LRTM2: variants seen among roughly 807,000 people sequenced by gnomAD.
The protein encoded by LRTM2 is leucine rich repeat transmembrane protein 2.
In LRTM2, 18 loss-of-function variants were observed where a neutral mutation model predicts 28.1. The observed-to-expected ratio is 0.64, with a 90% confidence interval of 0.44 to 0.95. The LOEUF is 0.95. Ranked by LOEUF, LRTM2 falls within the 40% of genes least tolerant of loss-of-function variation. The pLI is 0.00. For missense variants in LRTM2, 436 were observed against 497.2 expected, an observed-to-expected ratio of 0.88 and a Z score of 1.17; for synonymous variants, 250 against 218.7, an observed-to-expected ratio of 1.14 and a Z score of -1.26.
In LRTM2 at chr12:1,834,530, A is replaced by G; in HGVS notation, c.922A>G (p.Met308Val). The G allele has an allele frequency of 6.2e-7, 1 of 1,605,268 alleles. No individual in the cohort carries two copies. Among genetic ancestry groups the G allele is most frequent in the South Asian group, 1.1e-5 (1 of 91,078 alleles). The change falls in exon 5 of 5, where the codon ATG becomes GTG. Residue 308 changes from methionine (M) to valine (V), a missense_variant. Physicochemically the swap from Met to Val is conservative, Grantham distance 21. Transcript: ENST00000299194. This position sits in a 1 kb window ranked among gnomAD's most constrained non-coding sequence, Gnocchi z 7.6. ...CCGGCCGGCGAGCGTGAGGCGAGCC[A>G]TGGGCACGGTGATCATTGCAGGGGT... is the stretch of plus-strand genomic sequence containing the variant. ...RHRPASVRRA[M>V]GTVIIAGVVC...
At chr12:1,826,304 C>A (rs545787233) in intron 1 of LRTM2, among the ~76,000 whole-genome samples, 1 of 151,854 alleles carries the variant, frequency 6.6e-6, no homozygotes, top group Non-Finnish European at 1.5e-5. Flanking sequence ...CTCCACCAAG[C>A]AGGTATTGCG....
chr12:1,835,148 G>A lies in LRTM2; in HGVS notation c.*427G>A, dbSNP rs944222696. The A allele has an allele frequency of 2.3e-5, 4 of 170,558 alleles. No homozygotes were observed. The highest frequency in any genetic ancestry group is 3.8e-5 in the Non-Finnish European group (3 of 79,818). The allele number at this position is 170,558 out of a possible 1,614,324, so 10.6% of individuals were successfully genotyped here. A position where few individuals can be genotyped will look rare whatever the true frequency, so the allele number is the denominator to read the frequency against. ...GGAGGGAGGGATCTGAGGGATGAAG[G>A]TAGATTTCTGAGACTCTCTCCTAAG... On this transcript the variant is annotated 3_prime_UTR_variant, in exon 5 of 5. Coordinates refer to ENST00000299194, the MANE Select transcript of LRTM2 (RefSeq NM_001039029.3).
Position 1,836,658 on chromosome 12 carries a change from G to A in LRTM2, c.*1937G>A, listed in dbSNP as rs547297208. 1.9e-3 allele frequency: 287 copies of A among 152,666 alleles called. 1 individual carries two copies. Among genetic ancestry groups the A allele is most frequent in the Non-Finnish European group, 3.2e-3 (219 of 68,016 alleles). The allele number at this position is 152,666 out of a possible 1,614,324, so 9.5% of individuals were successfully genotyped here. A position where few individuals can be genotyped will look rare whatever the true frequency, so the allele number is the denominator to read the frequency against. ...GGGAGGGGAGGGCATTGTCAATGGT[G>A]GTATCTTTAGCCTGAGACAGAAGAT... On this transcript the variant is annotated 3_prime_UTR_variant, in exon 5 of 5. Coordinates refer to ENST00000299194, the MANE Select transcript of LRTM2 (RefSeq NM_001039029.3).
rs972507289 is a variant in LRTM2, at chr12:1,834,822, G to A, written c.*101G>A. 4.6e-5 allele frequency: 67 copies of A among 1,444,516 alleles called. No individual in the cohort carries two copies. In the African/African-American group the frequency reaches 5.1e-4, roughly 11 times the overall value. 89.5% of individuals were successfully genotyped at this position (1,444,516 alleles called of 1,614,324 possible). On this transcript the variant is annotated 3_prime_UTR_variant, in exon 5 of 5. Coordinates refer to ENST00000299194, the MANE Select transcript of LRTM2 (RefSeq NM_001039029.3). This position sits in a 1 kb window ranked among gnomAD's most constrained non-coding sequence, Gnocchi z 7.6. ...ACCCGGCGCTGGCCACTGCCTCCCC[G>A]AGTCCACCCTCCTCCCCGCCCTCCA...
chr12:1,826,896 C>T (rs768975824), intron 1 of LRTM2, among the ~76,000 whole-genome samples: 3 of 152,196 alleles, frequency 2.0e-5, no homozygotes, highest in Non-Finnish European at 2.9e-5. Flanking sequence ...TGAAGCTTCT[C>T]GGCAGCTCCA....
rs1018274432 is a variant in LRTM2, at chr12:1,835,766, C to G, written c.*1045C>G. 1 of 152,642 alleles carries G rather than the reference C, an allele frequency of 6.6e-6. No homozygotes were observed. Among genetic ancestry groups the G allele is most frequent in the Non-Finnish European group, 1.5e-5 (1 of 68,108 alleles). The allele number at this position is 152,642 out of a possible 1,614,324, so 9.5% of individuals were successfully genotyped here. A position where few individuals can be genotyped will look rare whatever the true frequency, so the allele number is the denominator to read the frequency against. ...GGCCTCCTGAGGACCCAGCCACACA[C>G]CACTGGTGTTGCCTCGGTCCTGCCC... On this transcript the variant is annotated 3_prime_UTR_variant, in exon 5 of 5. Coordinates refer to ENST00000299194, the MANE Select transcript of LRTM2 (RefSeq NM_001039029.3).
Position 1,823,814 on chromosome 12 carries a change from G to A in LRTM2, c.-259+3000G>A, listed in dbSNP as rs114829839. On this transcript the variant is annotated intron_variant, in intron 1 of 4. Transcript: ENST00000299194. ...AGCTGCCTTCTCAGCTCCAGCGGGA[G>A]TGGATCAGGCAATGCCGTGGACACT... is the stretch of plus-strand genomic sequence containing the variant. Among the ~76,000 whole-genome samples the A allele has an allele frequency of 3.2e-3, 490 of 152,344 alleles. 2 individuals are homozygous for A. The highest frequency in any genetic ancestry group is 0.011 in the African/African-American group (465 of 41,582).
chr12:1,831,523 G>C lies in LRTM2; in HGVS notation c.656G>C (p.Arg219Pro). The C allele has an allele frequency of 6.2e-7, 1 of 1,610,936 alleles. No homozygotes were observed. The highest frequency in any genetic ancestry group is 8.5e-7 in the Non-Finnish European group (1 of 1,178,368). ...FKHWMEWFSY[R>P]GGRLDQLACT... Reference sequence around the variant, plus strand: ...CACTGGATGGAGTGGTTCTCCTACCGAGGTGAGCGCAGCCGGCCCTGCTGG... The same window carrying C: ...CACTGGATGGAGTGGTTCTCCTACCCAGGTGAGCGCAGCCGGCCCTGCTGG... Residue 219 changes from arginine (R) to proline (P), a missense_variant and splice_region_variant, in exon 4 of 5, where the codon CGA becomes CCA. Arg to Pro is a moderately radical substitution (Grantham distance 103, BLOSUM62 -2). Coordinates refer to ENST00000299194, the MANE Select transcript of LRTM2 (RefSeq NM_001039029.3).
Position 1,828,106 on chromosome 12 carries a change from C to G in LRTM2, c.-43C>G. On this transcript the variant is annotated 5_prime_UTR_variant, in exon 3 of 5. Coordinates refer to ENST00000299194, the MANE Select transcript of LRTM2 (RefSeq NM_001039029.3). The surrounding 1 kb of genome is among the most constrained non-coding windows in gnomAD (Gnocchi z 4.2). ...ACAGGCGGCGCACCCAGGGGCTCCT[C>G]TCTCCCCAGAGCGACAGGGCCCGGA... is the stretch of plus-strand genomic sequence containing the variant. 6.7e-7 allele frequency: 1 copy of G among 1,485,948 alleles called. No individual in the cohort carries two copies. Among genetic ancestry groups the G allele is most frequent in the Non-Finnish European group, 9.0e-7 (1 of 1,114,004 alleles). 92.0% of individuals were successfully genotyped at this position (1,485,948 alleles called of 1,614,324 possible).
At chr12:1,825,099 T>A (rs899127446) in intron 1 of LRTM2, among the ~76,000 whole-genome samples, 30 of 152,354 alleles carry the variant, frequency 2.0e-4, no homozygotes, top group African/African-American at 7.2e-4. Context: ...GTCTGCATTG[T>A]GGGGACTTGC....
chr12:1,825,333 C>G (rs1483966963), intron 1 of LRTM2, among the ~76,000 whole-genome samples: 2 of 152,190 alleles, frequency 1.3e-5, no homozygotes, highest in African/African-American at 2.4e-5. Flanking sequence ...GAGGGCTTCT[C>G]CACTACCTAT....
chr12:1,823,474 C>T (rs982795795), intron 1 of LRTM2, among the ~76,000 whole-genome samples: 5 of 152,114 alleles, frequency 3.3e-5, no homozygotes, highest in Non-Finnish European at 5.9e-5. Flanking sequence ...AGGCAGCTCC[C>T]ACTCCCAGTC....
At chr12:1,825,278 G>A (rs1432131698) in intron 1 of LRTM2, among the ~76,000 whole-genome samples, 5 of 152,358 alleles carry the variant, frequency 3.3e-5, no homozygotes, top group Admixed American at 3.3e-4. Context: ...AGCCTATCCA[G>A]GGGAGGCAGA....
At chr12:1,826,017 G>A (rs186676847) in intron 1 of LRTM2, among the ~76,000 whole-genome samples, 107 of 152,260 alleles carry the variant, frequency 7.0e-4, no homozygotes, top group African/African-American at 2.5e-3. Flanking sequence ...TGCGAGGGCC[G>A]TAGGTGTGGG....
At chr12:1,822,052 C>G (rs1864126138) in intron 1 of LRTM2, 2 of 152,062 alleles carry the variant, frequency 1.3e-5, no homozygotes, top group South Asian at 4.2e-4. Context: ...AAGAGCCCAG[C>G]TTTTCCCACC....
At chr12:1,832,275 C>A (rs1200693756) in intron 4 of LRTM2, among the ~76,000 whole-genome samples, 1 of 152,188 alleles carries the variant, frequency 6.6e-6, no homozygotes, top group Non-Finnish European at 1.5e-5. Flanking sequence ...GTTACCCTTT[C>A]GCTGTGGCAG....
chr12:1,828,266 G>A lies in LRTM2; in HGVS notation c.67+51G>A, dbSNP rs375075053. On this transcript the variant is annotated intron_variant, in intron 3 of 4. Transcript: ENST00000299194. This position sits in a 1 kb window ranked among gnomAD's most constrained non-coding sequence, Gnocchi z 4.2. ...GGGGTGCGGGTTGGGTGGGGGTGCC[G>A]AGGTGACTGTAGGTAGCGCCATATG... The A allele has an allele frequency of 9.8e-5, 144 of 1,472,008 alleles. 1 individual carries two copies. The highest frequency in any genetic ancestry group is 3.0e-4 in the Admixed American group (14 of 46,340). The allele number at this position is 1,472,008 out of a possible 1,614,324, so 91.2% of individuals were successfully genotyped here. A position where few individuals can be genotyped will look rare whatever the true frequency, so the allele number is the denominator to read the frequency against.
At chr12:1,821,881 G>C (rs1864118736) in intron 1 of LRTM2, among the ~76,000 whole-genome samples, 1 of 152,096 alleles carries the variant, frequency 6.6e-6, no homozygotes. Context: ...GCACCCGGCT[G>C]TCAGGGCTAC....
rs767271468 is a variant in LRTM2 at position 1,831,318 on chromosome 12, G to C, written c.451G>C (p.Gly151Arg). 4 of 1,613,756 alleles carry C rather than the reference G, an allele frequency of 2.5e-6. No homozygotes were observed. In the South Asian group the frequency reaches 4.4e-5, roughly 18 times the overall value. ...LLRHLDLSINGLAQLPPGLFD... is the reference protein window; with the variant it reads ...LLRHLDLSINRLAQLPPGLFD... ...CCGCCACCTGGACCTGTCCATCAAC[G>C]GCCTGGCCCAGTTGCCCCCTGGTCT... The change falls in exon 4 of 5, where the codon GGC becomes CGC. Residue 151 changes from glycine to arginine, a missense_variant. By Grantham distance (125) the Gly-to-Arg change is moderately radical. Transcript: ENST00000299194.
Sources: gnomAD v4.1 joint callset for allele counts (sites outside exome capture counted in the v4.1 genomes callset) on GRCh38, gnomAD v4.1.1 for gene constraint, Gnocchi (gnomAD v3.1) non-coding constraint, MANE v1.5 for transcripts, NCBI Gene and HGNC (gene_info 2026-07-23, HGNC 2026-07-21) for gene names.